The following SRGAP2 variants were observed in gnomAD, a reference collection of about 807,000 sequenced individuals.
SRGAP2 encodes SLIT-ROBO Rho GTPase activating protein 2.
In SRGAP2, 15 loss-of-function variants were observed where a neutral mutation model predicts 57.2. The observed-to-expected ratio is 0.26, with a 90% confidence interval of 0.18 to 0.40. SRGAP2 has a LOEUF of 0.40. Among genes scored for constraint, SRGAP2 ranks in the 10% least tolerant of loss-of-function variants. The probability of loss-of-function intolerance (pLI) is 1.00; values close to 1 mark genes in which losing one functional copy is unlikely to be tolerated. For missense variants in SRGAP2, 520 were observed against 669.6 expected, an observed-to-expected ratio of 0.78 and a Z score of 2.47; for synonymous variants, 249 against 248.0, an observed-to-expected ratio of 1.00 and a Z score of -0.04.
intron 3 of SRGAP2, among the ~76,000 whole-genome samples, chr1:206,339,502 A>C (rs1675021242): frequency 1.3e-5 from 2 of 151,972 alleles, no homozygotes; most frequent in Admixed American, 1.3e-4. Context: ...CAGGGTTTAC[A>C]TAAAACAATG....
intron 19 of SRGAP2, among the ~76,000 whole-genome samples, chr1:206,450,846 G>T (rs1358207645): frequency 6.6e-6 from 1 of 152,022 alleles, no homozygotes; most frequent in Non-Finnish European, 1.5e-5. Flanking sequence ...GGGTGTGGTG[G>T]CTCACACCTG....
intron 2 of SRGAP2, among the ~76,000 whole-genome samples, chr1:206,238,414 G>A (rs1267061073): frequency 1.8e-4 from 2 of 11,340 alleles, no homozygotes; most frequent in African/African-American, 8.1e-4. Context: ...TGTTATCTTA[G>A]TTCATATCTA....
intron 4 of SRGAP2, among the ~76,000 whole-genome samples, chr1:206,347,702 T>C (rs1395757165): frequency 6.6e-6 from 1 of 150,874 alleles, no homozygotes; most frequent in Admixed American, 6.6e-5. Flanking sequence ...AAGTATGTTG[T>C]ACAGAGAAGA....
intron 15 of SRGAP2, 67 bp downstream of exon 15, chr1:206,437,109 T>G: frequency 1.3e-6 from 1 of 775,540 alleles, no homozygotes; most frequent in Non-Finnish European, 2.4e-6. Flanking sequence ...GCTCCACCCT[T>G]TCTTCTCTAA....
chr1:206,229,530 A>C (rs1202175406), intron 2 of SRGAP2, among the ~76,000 whole-genome samples: 2 of 152,184 alleles, frequency 1.3e-5, no homozygotes, highest in African/African-American at 2.4e-5. Flanking sequence ...AGGCCACTGA[A>C]TAAACAAATT....
intron 2 of SRGAP2, among the ~76,000 whole-genome samples, chr1:206,216,792 G>GTTTT (rs1310280195): frequency 1.4e-4 from 11 of 78,756 alleles, no homozygotes; most frequent in African/African-American, 5.9e-4. Flanking sequence ...TATTCTCTTT[G>GTTTT]TTTTTTTGTT....
chr1:206,420,274 T>C (rs986894253), intron 12 of SRGAP2, among the ~76,000 whole-genome samples: 3 of 152,218 alleles, frequency 2.0e-5, no homozygotes, highest in Non-Finnish European at 2.9e-5. Context: ...CATTGTGAAT[T>C]ACAATAAAGA....
chr1:206,456,960 A>T (rs541670409), intron 21 of SRGAP2, among the ~76,000 whole-genome samples: 1 of 152,236 alleles, frequency 6.6e-6, no homozygotes, highest in South Asian at 2.1e-4. Context: ...AGCCATTCTG[A>T]CATCCCTGAC....
At chr1:206,438,922 A>C (rs1553370958) in intron 16 of SRGAP2, among the ~76,000 whole-genome samples, 1 of 152,194 alleles carries the variant, frequency 6.6e-6, no homozygotes, top group African/African-American at 2.4e-5. Context: ...TATCCTGAGA[A>C]ATGCCCAGGG....
intron 14 of SRGAP2, among the ~76,000 whole-genome samples, chr1:206,435,633 G>T (rs959604270): frequency 6.6e-6 from 1 of 152,200 alleles, no homozygotes; most frequent in Non-Finnish European, 1.5e-5. Context: ...CAGAAGCCTG[G>T]TGTTGAGGAC....
chr1:206,227,686 C>T (rs568594076), intron 2 of SRGAP2, among the ~76,000 whole-genome samples: 1 of 152,222 alleles, frequency 6.6e-6, no homozygotes, highest in Non-Finnish European at 1.5e-5. Flanking sequence ...TCTGTTCCAA[C>T]GCTTCTTTGC....
chr1:206,258,390 CTAATT>C (rs1187181835), intron 2 of SRGAP2, among the ~76,000 whole-genome samples: 2 of 151,710 alleles, frequency 1.3e-5, no homozygotes, highest in Non-Finnish European at 2.9e-5. Context: ...ATTAAATGAT[CTAATT>C]TAAGTTTTGA....
In SRGAP2 at chr1:206,454,056, G is replaced by A. The variant is rs1449988521; in HGVS notation, c.2360+676G>A. 2.1e-5 allele frequency: 15 copies of A among 697,984 alleles called. No homozygotes were observed. The highest frequency in any genetic ancestry group is 6.0e-5 in the Admixed American group (3 of 49,754). 43.2% of individuals were successfully genotyped at this position (697,984 alleles called of 1,614,324 possible). Reference sequence around the variant, plus strand: ...GCCCACCCAAGCCTGCCCCCTGTCCGTTTGCCCTGTCTCTGTCCCCAGCTC... The same window carrying A: ...GCCCACCCAAGCCTGCCCCCTGTCCATTTGCCCTGTCTCTGTCCCCAGCTC... On this transcript the variant is annotated intron_variant, in intron 20 of 22. Coordinates refer to ENST00000573034, the MANE Select transcript of SRGAP2 (RefSeq NM_015326.5). The surrounding 1 kb of genome is among the most constrained non-coding windows in gnomAD (Gnocchi z 4.3).
At chr1:206,286,574 A>G (rs1671037157) in intron 2 of SRGAP2, among the ~76,000 whole-genome samples, 1 of 151,154 alleles carries the variant, frequency 6.6e-6, no homozygotes, top group African/African-American at 2.4e-5. Flanking sequence ...TGGAACTTAC[A>G]CTCTAGTGGG....
rs199618354 is a variant in SRGAP2 at position 206,342,981 on chromosome 1, C to T, written c.396C>T (p.Ser132=). ...NNIIPRFVQV[S]EDSGRLFKKS... is the part of the protein sequence containing the mutation. ...TCATTCCTCGATTTGTACAAGTCAG[C>T]GAGGACTCAGGAAGACTCTTTAAAA... The change falls in exon 4 of 23, where the codon AGC becomes AGT. Residue 132 remains serine, a synonymous_variant. Coordinates refer to ENST00000573034, the MANE Select transcript of SRGAP2 (RefSeq NM_015326.5). 0.013 allele frequency: 10,259 copies of T among 775,362 alleles called. 106 individuals carry two copies. Among genetic ancestry groups the T allele is most frequent in the Non-Finnish European group, 0.016 (6,853 of 441,898 alleles). 48.0% of individuals were successfully genotyped at this position (775,362 alleles called of 1,614,324 possible).
intron 2 of SRGAP2, among the ~76,000 whole-genome samples, chr1:206,229,965 CA>C (rs1667528321): frequency 6.6e-6 from 1 of 151,382 alleles, no homozygotes; most frequent in East Asian, 1.9e-4. Context: ...CACACACACA[CA>C]CCTTACCTTA....
intron 5 of SRGAP2, among the ~76,000 whole-genome samples, chr1:206,388,243 C>T (rs1382960899): frequency 1.3e-5 from 2 of 152,182 alleles, no homozygotes; most frequent in South Asian, 4.1e-4. Context: ...ATTTACATCC[C>T]CTTGGCTTGG....
rs782346599 is a variant in SRGAP2, at chr1:206,437,061, A to C, written c.1633+19A>C. On this transcript the variant is annotated intron_variant, in intron 15 of 22. Transcript: ENST00000573034. Reference sequence around the variant, plus strand: ...GAGAGAGGTAAGGAAACAGTCTTGAAGATAAAACCAAATATTTGCCAGCCC... The same window carrying C: ...GAGAGAGGTAAGGAAACAGTCTTGACGATAAAACCAAATATTTGCCAGCCC... 1.7e-5 allele frequency: 13 copies of C among 780,440 alleles called. No individual in the cohort carries two copies. Among genetic ancestry groups the C allele is most frequent in the Non-Finnish European group, 2.9e-5 (12 of 417,750 alleles). The allele number at this position is 780,440 out of a possible 1,614,324, so 48.3% of individuals were successfully genotyped here.
chr1:206,259,264 C>T (rs1378942434), intron 2 of SRGAP2, among the ~76,000 whole-genome samples: 1 of 150,558 alleles, frequency 6.6e-6, no homozygotes, highest in Non-Finnish European at 1.5e-5. Flanking sequence ...GTGGAGGTTT[C>T]TTCCCAGACT....
Sources: allele counts gnomAD v4.1 joint callset (sites outside exome capture counted in the v4.1 genomes callset), GRCh38; gene constraint gnomAD v4.1.1; non-coding constraint Gnocchi (gnomAD v3.1); transcripts MANE v1.5; gene names NCBI Gene and HGNC (gene_info 2026-07-23, HGNC 2026-07-21).